Variants in DENND2B observed in about 807,000 individuals in gnomAD.
DENND2B encodes the protein DENN domain-containing protein 2B.
Under a neutral mutation model 116.0 loss-of-function variants are expected in DENND2B, and 32 were observed. The ratio of observed to expected loss-of-function variants is 0.28; its 90% CI spans 0.21 to 0.37. DENND2B has a LOEUF of 0.37. DENND2B is among the 10% of genes least tolerant of loss of function. DENND2B has a pLI of 1.00. For missense variants in DENND2B, 1,276 were observed against 1,477.7 expected (o/e 0.86, Z 2.24); for synonymous variants, 588 against 583.9 (o/e 1.01, Z -0.10).
At chr11:8,703,298 T>C (rs1035442039) in intron 13 of DENND2B, 3 of 152,262 alleles carry the variant, frequency 2.0e-5, no homozygotes, top group Admixed American at 6.5e-5. Flanking sequence ...CTAAGTCCCA[T>C]GCCAGTCACA....
chr11:8,882,536 T>C (rs923742755), intron 1 of DENND2B, among the ~76,000 whole-genome samples: 1 of 152,246 alleles, frequency 6.6e-6, no homozygotes, highest in African/African-American at 2.4e-5. Flanking sequence ...ACTCAATAAA[T>C]AGCTGTTGAA....
At chr11:8,855,561 G>A (rs997463434) in intron 3 of DENND2B, among the ~76,000 whole-genome samples, 4 of 151,842 alleles carry the variant, frequency 2.6e-5, no homozygotes, top group Non-Finnish European at 5.9e-5. Context: ...CAAAGAGCCC[G>A]AGAAATACCA....
chr11:8,883,534 G>A (rs2063925428), intron 1 of DENND2B, among the ~76,000 whole-genome samples: 1 of 152,020 alleles, frequency 6.6e-6, no homozygotes, highest in Admixed American at 6.6e-5. Flanking sequence ...TTGTTGAACT[G>A]ATGCTATGTT....
At chr11:8,805,328 T>C (rs2060745857) in intron 1 of DENND2B, among the ~76,000 whole-genome samples, 2 of 152,226 alleles carry the variant, frequency 1.3e-5, no homozygotes, top group Non-Finnish European at 2.9e-5. Flanking sequence ...GCTAGTTCAT[T>C]TTAAAACCAT....
intron 1 of DENND2B, among the ~76,000 whole-genome samples, chr11:8,892,343 A>C (rs1425469551): frequency 1.3e-5 from 2 of 152,204 alleles, no homozygotes. Flanking sequence ...AGAACTAGAA[A>C]AGCAAGAGCA....
chr11:8,844,862 G>A (rs1302197914), intron 3 of DENND2B, among the ~76,000 whole-genome samples: 1 of 151,910 alleles, frequency 6.6e-6, no homozygotes, highest in Admixed American at 6.6e-5. Flanking sequence ...AGCCTCCCAA[G>A]CAGCTAGAAC....
upstream of DENND2B, among the ~76,000 whole-genome samples, chr11:8,815,485 CCA>C: frequency 2.0e-5 from 3 of 152,270 alleles, no homozygotes; most frequent in Middle Eastern, 0.01. Flanking sequence ...ACAGGCACAA[CCA>C]CAGTGCACTG....
intron 2 of DENND2B, among the ~76,000 whole-genome samples, chr11:8,880,380 TGTG>T (rs998076707): frequency 6.6e-6 from 1 of 151,760 alleles, no homozygotes; most frequent in African/African-American, 2.4e-5. Flanking sequence ...TGTGTGTGTG[TGTG>T]TAGTTTTTAC....
upstream of DENND2B, among the ~76,000 whole-genome samples, chr11:8,812,102 T>C (rs537124744): frequency 3.9e-5 from 6 of 152,324 alleles, no homozygotes; most frequent in South Asian, 2.1e-4. Context: ...TCTGCACTTA[T>C]ACAGTTAGGC....
chr11:8,768,147 C>G (rs1214732586), intron 1 of DENND2B, among the ~76,000 whole-genome samples: 1 of 152,124 alleles, frequency 6.6e-6, no homozygotes, highest in Non-Finnish European at 1.5e-5. Context: ...CACCCTGAGA[C>G]AGAGTGGGCT....
intron 3 of DENND2B, among the ~76,000 whole-genome samples, chr11:8,728,361 G>A (rs1181352522): frequency 5.9e-5 from 9 of 152,034 alleles, no homozygotes; most frequent in Admixed American, 5.9e-4. Flanking sequence ...TGGTATAACA[G>A]ACACAAACTT....
chr11:8,728,716 G>T (rs1403970200), intron 3 of DENND2B, among the ~76,000 whole-genome samples: 5 of 152,112 alleles, frequency 3.3e-5, no homozygotes, highest in African/African-American at 1.2e-4. Flanking sequence ...CCTTCTCTGG[G>T]TCTCTGCGGC....
chr11:8,697,630 C>T lies in DENND2B; in HGVS notation c.2947G>A (p.Asp983Asn), dbSNP rs769160332. 1.9e-6 allele frequency: 3 copies of T among 1,612,466 alleles called. No individual in the cohort carries two copies. Among genetic ancestry groups the T allele is most frequent in the Non-Finnish European group, 2.5e-6 (3 of 1,178,448 alleles). The change falls in exon 17 of 20, where the codon GAC (aspartate) becomes AAC (asparagine). Residue 983 changes from aspartate (D) to asparagine (N), a missense_variant. Physicochemically the swap from Asp to Asn is conservative, Grantham distance 23. This residue lies in a region of DENND2B where 420 missense variants were observed against 631.1 expected (regional missense o/e 0.67). Coordinates refer to ENST00000313726, the MANE Select transcript of DENND2B (RefSeq NM_213618.2). The stretch of plus-strand genomic sequence containing the variant: ...TTCCTAGGTAACAACGTGTCTTCGT[C>T]GTCCATCTGCAGGAGAAAGAAAGCA... Reference protein sequence around the residue: ...GSDRFIRQMDDEDTLLPRKLQ... With the variant: ...GSDRFIRQMDNEDTLLPRKLQ...
At chr11:8,778,594 C>T (rs1408760537) in intron 1 of DENND2B, among the ~76,000 whole-genome samples, 1 of 152,258 alleles carries the variant, frequency 6.6e-6, no homozygotes, top group Non-Finnish European at 1.5e-5. Flanking sequence ...CTGCTTCCAG[C>T]TCAGGGAAGG....
At chr11:8,838,592 G>A (rs983850778) in intron 4 of DENND2B, among the ~76,000 whole-genome samples, 1 of 152,236 alleles carries the variant, frequency 6.6e-6, no homozygotes, top group Admixed American at 6.5e-5. Context: ...TGGGAGTTGG[G>A]TAGGCACAGC....
intron 16 of DENND2B, chr11:8,698,002 G>A: frequency 2.4e-6 from 1 of 422,508 alleles, no homozygotes. Context: ...AGTCAAGTAT[G>A]GTGGCATGCA....
At chr11:8,830,676 A>G (rs564833384) in intron 4 of DENND2B, 1 of 151,930 alleles carries the variant, frequency 6.6e-6, no homozygotes, top group East Asian at 1.9e-4. Context: ...TACCCTCCCA[A>G]CTCCTAAAGT....
chr11:8,885,656 A>C (rs1281508136), intron 1 of DENND2B, among the ~76,000 whole-genome samples: 3 of 152,252 alleles, frequency 2.0e-5, no homozygotes, highest in African/African-American at 7.2e-5. Flanking sequence ...TAAGGAATAA[A>C]AATGTTGAGT....
At chr11:8,883,607 C>T (rs370605155) in intron 1 of DENND2B, among the ~76,000 whole-genome samples, 4 of 152,160 alleles carry the variant, frequency 2.6e-5, no homozygotes, top group Non-Finnish European at 2.9e-5. Flanking sequence ...AGAAGGCATA[C>T]GTGCTGGGCC....
Sources: allele counts gnomAD v4.1 joint callset (sites outside exome capture counted in the v4.1 genomes callset), GRCh38; gene constraint gnomAD v4.1.1; regional missense constraint gnomAD v4.1.1; transcripts MANE v1.5; gene names NCBI Gene and HGNC (gene_info 2026-07-23, HGNC 2026-07-21).